The following PCDHGA2 variants were observed in gnomAD, a reference collection of about 807,000 sequenced individuals.
The protein encoded by PCDHGA2 is protocadherin gamma subfamily A, 2.
PCDHGA2 carries 40 observed loss-of-function variants against 59.2 expected under a neutral mutation model. The ratio of observed to expected loss-of-function variants is 0.68; its 90% CI spans 0.52 to 0.88. PCDHGA2 has a LOEUF of 0.88. PCDHGA2 is among the 40% of genes least tolerant of loss of function. The probability of loss-of-function intolerance (pLI) is 0.00; values close to 1 mark genes in which losing one functional copy is unlikely to be tolerated. For missense variants in PCDHGA2, 1,226 were observed against 1,204.0 expected (o/e 1.02, Z -0.27); for synonymous variants, 560 against 526.0 (o/e 1.06, Z -0.89).
At chr5:141,423,203 T>A (rs2096720538) in intron 1 of PCDHGA2, 1 of 1,613,508 alleles carries the variant, frequency 6.2e-7, no homozygotes, top group African/African-American at 1.3e-5. Context: ...TCGGCCACCG[T>A]CACGCTCACC....
intron 1 of PCDHGA2, among the ~76,000 whole-genome samples, chr5:141,471,706 A>G (rs2099262749): frequency 6.6e-6 from 1 of 152,212 alleles, no homozygotes; most frequent in African/African-American, 2.4e-5. Context: ...CTGGAATAGA[A>G]GTGCCACTTA....
intron 1 of PCDHGA2, chr5:141,374,219 G>C: frequency 6.2e-7 from 1 of 1,614,020 alleles, no homozygotes; most frequent in African/African-American, 1.3e-5. Flanking sequence ...CTCCTTCGTA[G>C]GCAACATCGT....
At chr5:141,350,662 C>T in intron 1 of PCDHGA2, 2 of 1,614,012 alleles carry the variant, frequency 1.2e-6, no homozygotes, top group Non-Finnish European at 1.7e-6. Context: ...TTGCAAAAGG[C>T]ATTGACTTAG....
At chr5:141,426,407 C>T (rs974898367) in intron 1 of PCDHGA2, 5 of 257,632 alleles carry the variant, frequency 1.9e-5, no homozygotes, top group African/African-American at 6.6e-5. Context: ...CCAGAAGAAA[C>T]GGTCCAGGGC....
At chr5:141,394,034 G>T in intron 1 of PCDHGA2, 1 of 1,613,540 alleles carries the variant, frequency 6.2e-7, no homozygotes, top group Non-Finnish European at 8.5e-7. Flanking sequence ...TAGTGACAAG[G>T]AAATATTTGG....
At position 141,347,070 on chromosome 5, in the gene PCDHGA2, CCT is replaced by C. The variant is rs1318040353; in HGVS notation, c.2424+5684_2424+5685del. On this transcript the variant is annotated intron_variant, in intron 1 of 3. Coordinates refer to ENST00000394576, the MANE Select transcript of PCDHGA2 (RefSeq NM_018915.4). ...CTCTTTCCTCCTTCCTTCCTTCCTT[CCT>C]CTCTCTCTTTCCTCCTTCCTTCCTT... is the stretch of plus-strand genomic sequence containing the variant. Among the ~76,000 whole-genome samples, 5 of 144,048 alleles carry C rather than the reference CCT, an allele frequency of 3.5e-5. No individual in the cohort carries two copies. In the South Asian group the frequency reaches 9.0e-4, roughly 26 times the overall value. The allele number at this position is 144,048 out of a possible 152,430, so 94.5% of individuals were successfully genotyped here. A position where few individuals can be genotyped will look rare whatever the true frequency, so the allele number is the denominator to read the frequency against.
chr5:141,375,604 C>T lies in PCDHGA2; in HGVS notation c.2424+34209C>T, dbSNP rs1192028188. 7 of 1,614,112 alleles carry T rather than the reference C, an allele frequency of 4.3e-6. No homozygotes were observed. The African/African-American group carries it at 9.3e-5, about 22-fold the overall frequency. On this transcript the variant is annotated intron_variant, in intron 1 of 3. Coordinates refer to ENST00000394576, the MANE Select transcript of PCDHGA2 (RefSeq NM_018915.4). ...CGCCCCTGTCCTCCTACGTGTCCAT[C>T]AACTCCGACACTGGGATTCTGTACG...
chr5:141,394,633 G>T, intron 1 of PCDHGA2: 2 of 1,613,390 alleles, frequency 1.2e-6, no homozygotes, highest in Non-Finnish European at 1.7e-6. Context: ...CTGTCCTACC[G>T]CCTGCTCAAG....
intron 1 of PCDHGA2, chr5:141,344,402 T>G: frequency 1.9e-6 from 3 of 1,611,464 alleles, no homozygotes; most frequent in Non-Finnish European, 2.5e-6. Flanking sequence ...AAATAGAAAT[T>G]AAAGATATTA....
chr5:141,403,169 C>T, intron 1 of PCDHGA2: 13 of 1,614,016 alleles, frequency 8.1e-6, no homozygotes, highest in Non-Finnish European at 1.1e-5. Flanking sequence ...AGGTAGGACG[C>T]AGCTTTTCTC....
chr5:141,509,572 G>T (rs955898202), intron 3 of PCDHGA2, among the ~76,000 whole-genome samples: 24 of 152,300 alleles, frequency 1.6e-4, no homozygotes, highest in Middle Eastern at 3.4e-3. Context: ...CCTTCACAGT[G>T]CGTACAAATC....
At chr5:141,366,632 C>G (rs1232919866) in intron 1 of PCDHGA2, 1 of 1,614,252 alleles carries the variant, frequency 6.2e-7, no homozygotes. Context: ...GAAGAGTCAC[C>G]TGATCTTTCC....
intron 1 of PCDHGA2, among the ~76,000 whole-genome samples, chr5:141,354,631 T>C (rs1025188967): frequency 2.6e-5 from 4 of 152,238 alleles, no homozygotes; most frequent in Admixed American, 2.6e-4. Context: ...TTCACTTATC[T>C]GTCTCATCCA....
At chr5:141,510,682 GA>G (rs1303501817) in intron 3 of PCDHGA2, among the ~76,000 whole-genome samples, 6 of 152,154 alleles carry the variant, frequency 3.9e-5, no homozygotes, top group Non-Finnish European at 8.8e-5. Flanking sequence ...GTGGCATAAG[GA>G]GGTTAGGTAG....
rs534356534 is a variant in PCDHGA2 at position 141,432,344 on chromosome 5, C to G, written c.2425-62463C>G. ...CGACTACGAGCAGTTCCGAGACTTG[C>G]AAGTGAAAGTGATGGCGCGGGACAA... is the stretch of plus-strand genomic sequence containing the variant. On this transcript the variant is annotated intron_variant, in intron 1 of 3. Coordinates refer to ENST00000394576, the MANE Select transcript of PCDHGA2 (RefSeq NM_018915.4). This position sits in a 1 kb window ranked among gnomAD's most constrained non-coding sequence, Gnocchi z 6.0. 1.9e-5 allele frequency: 30 copies of G among 1,614,238 alleles called. No individual in the cohort carries two copies. In the East Asian group the frequency reaches 2.5e-4, roughly 13 times the overall value.
chr5:141,351,146 G>T, intron 1 of PCDHGA2: 1 of 1,613,958 alleles, frequency 6.2e-7, no homozygotes, highest in South Asian at 1.1e-5. Flanking sequence ...AAATACTGGC[G>T]ACATCACAAC....
intron 2 of PCDHGA2, among the ~76,000 whole-genome samples, chr5:141,501,530 G>A (rs556760554): frequency 3.5e-4 from 53 of 151,998 alleles, no homozygotes; most frequent in Admixed American, 2.2e-3. Context: ...AGCCCAGTAC[G>A]TTGTTGTGCA....
chr5:141,384,848 G>A, intron 1 of PCDHGA2: 1 of 1,613,600 alleles, frequency 6.2e-7, no homozygotes, highest in Non-Finnish European at 8.5e-7. Flanking sequence ...CAGGACCACG[G>A]TCAGCCTCCT....
Position 141,344,460 on chromosome 5 carries a change from G to A in PCDHGA2, c.2424+3065G>A, listed in dbSNP as rs750660913. 1.4e-5 allele frequency: 23 copies of A among 1,613,800 alleles called. No homozygotes were observed. The South Asian group carries it at 2.5e-4, about 18-fold the overall frequency. On this transcript the variant is annotated intron_variant, in intron 1 of 3. Transcript: ENST00000394576. ...AACAGAGGAATTGGAAATAAAAATT[G>A]GTGAACTAACGGTTCCTGGAACCCG...
Sources: gnomAD v4.1 joint callset for allele counts (sites outside exome capture counted in the v4.1 genomes callset) on GRCh38, gnomAD v4.1.1 for gene constraint, Gnocchi (gnomAD v3.1) non-coding constraint, MANE v1.5 for transcripts, NCBI Gene and HGNC (gene_info 2026-07-23, HGNC 2026-07-21) for gene names.